Variants in LYPD6B observed in about 807,000 individuals in gnomAD.
LYPD6B encodes ly6/PLAUR domain-containing protein 6B.
In LYPD6B, 17 loss-of-function variants were observed where a neutral mutation model predicts 22.8. That is an observed-to-expected ratio of 0.75 (90% CI 0.51 to 1.12). LYPD6B has a LOEUF of 1.12. LYPD6B is among the 50% of genes most tolerant of loss of function. The probability of loss-of-function intolerance (pLI) is 0.00; values close to 1 mark genes in which losing one functional copy is unlikely to be tolerated. For missense variants in LYPD6B, 221 were observed against 258.3 expected (o/e 0.86, Z 0.99); for synonymous variants, 106 against 91.6 (o/e 1.16, Z -0.90).
At chr2:149,111,956 G>T (rs1308077711) in intron 1 of LYPD6B, among the ~76,000 whole-genome samples, 1 of 152,164 alleles carries the variant, frequency 6.6e-6, no homozygotes, top group African/African-American at 2.4e-5. Context: ...GTCAATTGCT[G>T]CTCAAAGTTG....
chr2:149,120,451 C>T (rs1293027030), intron 1 of LYPD6B, among the ~76,000 whole-genome samples: 3 of 133,370 alleles, frequency 2.2e-5, no homozygotes, highest in Non-Finnish European at 3.1e-5. Context: ...GGCGCGATCT[C>T]GGCTCACTGC....
intron 1 of LYPD6B, among the ~76,000 whole-genome samples, chr2:149,127,462 A>G (rs1261474256): frequency 1.3e-5 from 2 of 152,170 alleles, no homozygotes; most frequent in African/African-American, 4.8e-5. Context: ...CTGCCCCACC[A>G]TGGGAGGGTC....
chr2:149,133,390 A>G (rs951371028), intron 2 of LYPD6B, among the ~76,000 whole-genome samples: 2 of 152,250 alleles, frequency 1.3e-5, no homozygotes, highest in African/African-American at 4.8e-5. Flanking sequence ...AGTGGATCTT[A>G]GTACCTTTCC....
intron 3 of LYPD6B, among the ~76,000 whole-genome samples, chr2:149,176,560 C>T (rs1019096985): frequency 2.6e-5 from 4 of 152,116 alleles, no homozygotes; most frequent in African/African-American, 9.7e-5. Flanking sequence ...CCTGCAAAGA[C>T]CCCTCTGCCT....
intron 3 of LYPD6B, among the ~76,000 whole-genome samples, chr2:149,174,881 C>A (rs1315592747): frequency 6.6e-6 from 1 of 152,002 alleles, no homozygotes; most frequent in Non-Finnish European, 1.5e-5. Context: ...ACCACCATGG[C>A]ACACGTTTAC....
At chr2:149,192,457 CTCTG>C (rs1006499230) in intron 3 of LYPD6B, among the ~76,000 whole-genome samples, 16 of 145,824 alleles carry the variant, frequency 1.1e-4, no homozygotes, top group Non-Finnish European at 1.2e-4. Context: ...ATCTCCTAGA[CTCTG>C]TCTATGTTTT....
intron 3 of LYPD6B, among the ~76,000 whole-genome samples, chr2:149,194,318 A>G (rs1293365398): frequency 2.6e-5 from 4 of 152,308 alleles, no homozygotes; most frequent in South Asian, 2.1e-4. Flanking sequence ...AAAACAAGCC[A>G]TAATGCTTTG....
intron 1 of LYPD6B, among the ~76,000 whole-genome samples, chr2:149,127,507 A>G (rs760920444): frequency 1.3e-5 from 2 of 152,222 alleles, no homozygotes; most frequent in Non-Finnish European, 2.9e-5. Context: ...AGGACTTAGC[A>G]GCACCTGCTC....
chr2:149,187,513 G>T, intron 3 of LYPD6B: 1 of 1,500,518 alleles, frequency 6.7e-7, no homozygotes, highest in Non-Finnish European at 8.9e-7. Context: ...CTGAATATTG[G>T]AAAGTAAGAT....
At chr2:149,118,581 G>T (rs569953750) in intron 1 of LYPD6B, among the ~76,000 whole-genome samples, 1 of 152,266 alleles carries the variant, frequency 6.6e-6, no homozygotes, top group East Asian at 1.9e-4. Context: ...ACAAATCAGA[G>T]GGAGGCAAGA....
intron 3 of LYPD6B, among the ~76,000 whole-genome samples, chr2:149,197,029 G>A (rs1464615757): frequency 2.0e-5 from 3 of 152,090 alleles, no homozygotes; most frequent in African/African-American, 7.2e-5. Context: ...AGCTTTGATT[G>A]GTTATTAAAA....
intron 5 of LYPD6B, among the ~76,000 whole-genome samples, chr2:149,209,458 C>T (rs752687022): frequency 2.0e-5 from 3 of 152,008 alleles, no homozygotes; most frequent in South Asian, 4.1e-4. Flanking sequence ...CTTAGGAGAT[C>T]GGGTTGTTCA....
At chr2:149,078,084 A>T (rs1184100688) in intron 1 of LYPD6B, among the ~76,000 whole-genome samples, 1 of 152,126 alleles carries the variant, frequency 6.6e-6, no homozygotes, top group Non-Finnish European at 1.5e-5. Context: ...TAGGCTGAGG[A>T]TGTCAGGTCA....
rs565290584 is a variant in LYPD6B, at chr2:149,145,518, C to T, written c.5+14565C>T. ...CTTTATTGTGCTGACTGATGCCTTC[C>T]GGCAAGCCTGAAGAACCACATCTGT... On this transcript the variant is annotated intron_variant, in intron 2 of 6. Coordinates refer to ENST00000409642, the MANE Select transcript of LYPD6B (RefSeq NM_177964.5). Among the ~76,000 whole-genome samples the T allele has an allele frequency of 1.1e-3, 163 of 152,266 alleles. No homozygotes were observed. The Middle Eastern group carries it at 0.014, about 13-fold the overall frequency.
intron 5 of LYPD6B, among the ~76,000 whole-genome samples, chr2:149,210,181 T>G (rs1693759562): frequency 1.3e-5 from 2 of 152,170 alleles, no homozygotes; most frequent in African/African-American, 4.8e-5. Flanking sequence ...TTGTCATTAG[T>G]TGACCAAAGC....
chr2:149,121,982 G>A (rs1687385714), intron 1 of LYPD6B, among the ~76,000 whole-genome samples: 1 of 152,168 alleles, frequency 6.6e-6, no homozygotes, highest in Non-Finnish European at 1.5e-5. Flanking sequence ...AGGTGAAGGG[G>A]CAAATGGAAA....
intron 1 of LYPD6B, among the ~76,000 whole-genome samples, chr2:149,063,924 G>T (rs942277846): frequency 1.3e-5 from 2 of 152,182 alleles, no homozygotes; most frequent in Non-Finnish European, 2.9e-5. Context: ...CAGTAAATTT[G>T]TGACACATAA....
intron 3 of LYPD6B, among the ~76,000 whole-genome samples, chr2:149,198,054 T>A (rs1464048420): frequency 6.6e-6 from 1 of 151,972 alleles, no homozygotes; most frequent in East Asian, 1.9e-4. Context: ...TTTCTTTTCT[T>A]TTTTGTGAGA....
intron 2 of LYPD6B, among the ~76,000 whole-genome samples, chr2:149,154,917 A>T (rs1194774181): frequency 6.6e-6 from 1 of 152,224 alleles, no homozygotes; most frequent in African/African-American, 2.4e-5. Flanking sequence ...AATTGAAACA[A>T]AACCATTTAG....
Sources: gnomAD v4.1 joint callset for allele counts (sites outside exome capture counted in the v4.1 genomes callset) on GRCh38, gnomAD v4.1.1 for gene constraint, MANE v1.5 for transcripts, NCBI Gene and HGNC (gene_info 2026-07-23, HGNC 2026-07-21) for gene names.